Variants in ALG9 observed in about 807,000 individuals in gnomAD.
ALG9 encodes alpha-1,2-mannosyltransferase ALG9.
A neutral mutation model predicts 81.8 loss-of-function variants in ALG9; 55 were observed. The observed-to-expected ratio is 0.67, with a 90% CI of 0.54 to 0.84. The LOEUF (loss-of-function observed/expected upper bound fraction) is 0.84. Ranked by LOEUF, ALG9 falls within the 40% of genes least tolerant of loss-of-function variation. ALG9 has a pLI of 0.00. For missense variants in ALG9, 629 were observed against 745.0 expected (o/e 0.84, Z 1.81); for synonymous variants, 278 against 274.3 (o/e 1.01, Z -0.13).
At chr11:111,810,185 T>TCCTCACAGCCATGGGAGGTTACGCTACA (rs1950508979) in intron 13 of ALG9, among the ~76,000 whole-genome samples, 1 of 152,168 alleles carries the variant, frequency 6.6e-6, no homozygotes, top group Non-Finnish European at 1.5e-5. Context: ...GGCCTGCCTC[T>TCCTCACAGCCATGGGAGGTTACGCTACA]CCTCACAGCC....
intron 13 of ALG9, among the ~76,000 whole-genome samples, chr11:111,818,923 TAA>T (rs1951912390): frequency 6.6e-6 from 1 of 151,862 alleles, no homozygotes; most frequent in Admixed American, 6.6e-5. Flanking sequence ...AGACCACAGA[TAA>T]AGCTGAGAAG....
chr11:111,768,828 CGTGTGTGTGTGTGCGTGTGT>C, the ALG9 span: 2 of 89,902 alleles, frequency 2.2e-5, no homozygotes, highest in Non-Finnish European at 5.0e-5. Flanking sequence ...CATCCAGCTT[CGTGTGTGTGTGTGCGTGTGT>C]GTGTGTGTGT....
chr11:111,854,151 G>A (rs1219097358), intron 6 of ALG9, among the ~76,000 whole-genome samples: 1 of 144,694 alleles, frequency 6.9e-6, no homozygotes, highest in African/African-American at 2.6e-5. Flanking sequence ...AGGCTGGAGT[G>A]CAGTGGCGCA....
In ALG9 at chr11:111,870,385, A is replaced by AAC; in HGVS notation, c.132-16_132-15insGT. On this transcript the variant is annotated splice_polypyrimidine_tract_variant and intron_variant, in intron 1 of 14. Coordinates refer to ENST00000616540, the MANE Select transcript of ALG9 (RefSeq NM_024740.2). ...TCCCAGATAACCTGTTCAAAAGCAA[A>AAC]AAAAAAAAAAAAAAAAAAAGCATGT... 9.3e-6 allele frequency: 8 copies of AAC among 861,988 alleles called. No homozygotes were observed. The highest frequency in any genetic ancestry group is 7.8e-6 in the Non-Finnish European group (5 of 637,778). The allele number at this position is 861,988 out of a possible 1,614,324, so 53.4% of individuals were successfully genotyped here.
At chr11:111,833,000 C>T (rs2136754029) in intron 13 of ALG9, among the ~76,000 whole-genome samples, 1 of 152,264 alleles carries the variant, frequency 6.6e-6, no homozygotes, top group East Asian at 1.9e-4. Flanking sequence ...CCACTGCACT[C>T]CAGCCTGGGT....
Position 111,853,355 on chromosome 11 carries a change from T to C in ALG9, c.895+25A>G, listed in dbSNP as rs782504731. 5.7e-6 allele frequency: 9 copies of C among 1,574,698 alleles called. No individual in the cohort carries two copies. In the South Asian group the frequency reaches 7.8e-5, roughly 14 times the overall value. On this transcript the variant is annotated intron_variant, in intron 8 of 14. Transcript: ENST00000616540. ...GGCAAATTAAGCTATCTCCTAACAC[T>C]TGCCCAAATTTCACAAAGCCTTACC...
chr11:111,860,529 A>G lies in ALG9; in HGVS notation c.565+18T>C. ...CCTGGTGATGACCTGCAATTCCCTC[A>G]TCTGCCCTTTTACTTACCTGATGAT... is the stretch of plus-strand genomic sequence containing the variant. On this transcript the variant is annotated intron_variant, in intron 5 of 14. Coordinates refer to ENST00000616540, the MANE Select transcript of ALG9 (RefSeq NM_024740.2). 6.2e-7 allele frequency: 1 copy of G among 1,610,646 alleles called. No homozygotes were observed. Among genetic ancestry groups the G allele is most frequent in the Non-Finnish European group, 8.5e-7 (1 of 1,176,958 alleles).
At chr11:111,867,415 C>T (rs1032856516) in intron 3 of ALG9, among the ~76,000 whole-genome samples, 17 of 151,996 alleles carry the variant, frequency 1.1e-4, no homozygotes, top group East Asian at 7.7e-4. Flanking sequence ...AAATTTAAAG[C>T]GGGCTTTGTA....
At chr11:111,857,770 G>C (rs560546053) in intron 5 of ALG9, 33 bp from the exon 6 acceptor site, 1 of 1,612,778 alleles carries the variant, frequency 6.2e-7, no homozygotes, top group African/African-American at 1.3e-5. Context: ...AAAGGCAGGA[G>C]GACAAGAGCT....
At chr11:111,779,575 T>G (rs1209553180), downstream of ALG9, among the ~76,000 whole-genome samples, 1 of 151,994 alleles carries the variant, frequency 6.6e-6, no homozygotes, top group Non-Finnish European at 1.5e-5. Context: ...GATTTCAAAC[T>G]CCTGGACTCA....
chr11:111,804,870 T>A (rs538855972), intron 14 of ALG9, among the ~76,000 whole-genome samples: 1 of 152,168 alleles, frequency 6.6e-6, no homozygotes, highest in Non-Finnish European at 1.5e-5. Flanking sequence ...GAACGCAAAA[T>A]GATACAGCCA....
intron 10 of ALG9, among the ~76,000 whole-genome samples, chr11:111,839,982 C>G (rs1448999451): frequency 3.3e-5 from 5 of 152,096 alleles, no homozygotes; most frequent in Non-Finnish European, 7.4e-5. Flanking sequence ...CTAAAGGGTA[C>G]AGGGTTTTTG....
chr11:111,787,168 C>T (rs928935388), intron 14 of ALG9, among the ~76,000 whole-genome samples: 4 of 152,176 alleles, frequency 2.6e-5, no homozygotes, highest in African/African-American at 7.2e-5. Context: ...CACTGGCTCA[C>T]GCCTGTAATT....
intron 13 of ALG9, among the ~76,000 whole-genome samples, chr11:111,829,598 A>G (rs1410748389): frequency 6.6e-6 from 1 of 152,250 alleles, no homozygotes; most frequent in African/African-American, 2.4e-5. Flanking sequence ...GATGTAAACA[A>G]AACTACACAT....
chr11:111,780,320 T>C (rs185062165), downstream of ALG9, among the ~76,000 whole-genome samples: 8 of 152,320 alleles, frequency 5.3e-5, no homozygotes, highest in East Asian at 1.2e-3. Context: ...TGGCGAAATA[T>C]AAACATTCAT....
At chr11:111,803,615 T>C (rs1949479853) in intron 14 of ALG9, among the ~76,000 whole-genome samples, 2 of 150,512 alleles carry the variant, frequency 1.3e-5, no homozygotes, top group African/African-American at 4.9e-5. Flanking sequence ...AAAAGACAAA[T>C]AGGTCAGTGA....
chr11:111,833,103 C>T (rs761836173), intron 13 of ALG9, among the ~76,000 whole-genome samples: 11 of 152,100 alleles, frequency 7.2e-5, no homozygotes, highest in Non-Finnish European at 1.0e-4. Flanking sequence ...AGAAAAAAGT[C>T]TTTTTCTGTA....
the ALG9 span, among the ~76,000 whole-genome samples, chr11:111,774,894 G>A: frequency 1.3e-5 from 2 of 152,114 alleles, no homozygotes; most frequent in Non-Finnish European, 2.9e-5. Flanking sequence ...CCACAGGGTA[G>A]AGTCCAGATT....
chr11:111,870,751 A>C, intron 1 of ALG9: 1 of 1,012,476 alleles, frequency 9.9e-7, no homozygotes, highest in East Asian at 1.1e-4. Context: ...CACTCCATTT[A>C]TCCCAAGCCA....
Sources: gnomAD v4.1 joint callset for allele counts (sites outside exome capture counted in the v4.1 genomes callset) on GRCh38, gnomAD v4.1.1 for gene constraint, MANE v1.5 for transcripts, NCBI Gene and HGNC (gene_info 2026-07-23, HGNC 2026-07-21) for gene names.